Variants in PRKG1 observed in about 807,000 individuals in gnomAD.
PRKG1 encodes the protein protein kinase cGMP-dependent 1, also known as cGMP-dependent protein kinase 1.
PRKG1 carries 35 observed loss-of-function variants against 88.1 expected under a neutral mutation model. The ratio of observed to expected loss-of-function variants is 0.40; its 90% confidence interval spans 0.30 to 0.53. The LOEUF (loss-of-function observed/expected upper bound fraction) is 0.53. Ranked by LOEUF, PRKG1 falls within the 20% of genes least tolerant of loss-of-function variation. PRKG1 has a pLI of 0.59. For synonymous variants in PRKG1, 303 were observed against 292.5 expected, an observed-to-expected ratio of 1.04 and a Z score of -0.37; for missense variants, 540 against 839.8, an observed-to-expected ratio of 0.64 and a Z score of 4.41.
intron 2 of PRKG1, among the ~76,000 whole-genome samples, chr10:51,267,391 A>G (rs1839863114): frequency 6.6e-6 from 1 of 152,174 alleles, no homozygotes; most frequent in Non-Finnish European, 1.5e-5. Flanking sequence ...ATAAAATATA[A>G]TAAGTTACTA....
At chr10:51,692,485 T>G (rs67928122) in intron 3 of PRKG1, among the ~76,000 whole-genome samples, 5 of 151,934 alleles carry the variant, frequency 3.3e-5, no homozygotes, top group African/African-American at 1.2e-4. Flanking sequence ...CCATGTGATC[T>G]GCCCACCTCT....
chr10:51,390,792 G>A (rs1439801718), intron 2 of PRKG1, among the ~76,000 whole-genome samples: 4 of 152,072 alleles, frequency 2.6e-5, no homozygotes, highest in African/African-American at 4.8e-5. Context: ...ATTTTGCCTC[G>A]AGGGAACATT....
At chr10:51,667,078 CA>C (rs1305772998) in intron 3 of PRKG1, among the ~76,000 whole-genome samples, 4 of 152,068 alleles carry the variant, frequency 2.6e-5, no homozygotes, top group Non-Finnish European at 4.4e-5. Flanking sequence ...CTGCCATAAA[CA>C]TTTATTTCTA....
chr10:51,746,872 C>T (rs147761756), intron 3 of PRKG1, among the ~76,000 whole-genome samples: 13 of 152,322 alleles, frequency 8.5e-5, no homozygotes, highest in South Asian at 4.1e-4. Context: ...CCTCCATGTA[C>T]GGCAACAAAA....
chr10:51,184,992 GT>G (rs1564630895), intron 2 of PRKG1, among the ~76,000 whole-genome samples: 1 of 152,030 alleles, frequency 6.6e-6, no homozygotes. Context: ...AAGCATTTAG[GT>G]TATTAACTTT....
At chr10:51,371,054 T>G (rs1468200363) in intron 2 of PRKG1, among the ~76,000 whole-genome samples, 2 of 152,178 alleles carry the variant, frequency 1.3e-5, no homozygotes, top group Non-Finnish European at 2.9e-5. Flanking sequence ...TCATTTTTTT[T>G]TATTTCTGCA....
intron 3 of PRKG1, among the ~76,000 whole-genome samples, chr10:51,572,171 CT>C (rs2132169924): frequency 6.6e-6 from 1 of 151,892 alleles, no homozygotes; most frequent in East Asian, 1.9e-4. Flanking sequence ...GTAAAACATA[CT>C]TTTTAATCTT....
In PRKG1 at chr10:52,295,202, C is replaced by T. The variant is rs2132471548; in HGVS notation, c.*1302C>T. 6.6e-6 allele frequency: 1 copy of T among 152,144 alleles called. No homozygotes were observed. The highest frequency in any genetic ancestry group is 2.1e-4 in the South Asian group (1 of 4,826). The allele number at this position is 152,144 out of a possible 1,614,324, so 9.4% of individuals were successfully genotyped here. ...ATTTACAGGTTTACCAGATCTGGAA[C>T]ATTACTTATTTGAGGTCAGAGAACA... On this transcript the variant is annotated 3_prime_UTR_variant, in exon 18 of 18. Coordinates refer to ENST00000373980, the MANE Select transcript of PRKG1 (RefSeq NM_006258.4).
chr10:51,626,350 G>T (rs1389464208), intron 3 of PRKG1, among the ~76,000 whole-genome samples: 5 of 152,172 alleles, frequency 3.3e-5, no homozygotes, highest in Non-Finnish European at 5.9e-5. Flanking sequence ...GTGATTAGGA[G>T]CTCTATATCA....
At chr10:51,303,897 C>T (rs139553996) in intron 2 of PRKG1, among the ~76,000 whole-genome samples, 8,459 of 151,996 alleles carry the variant, frequency 0.056, 332 homozygotes, top group East Asian at 0.16. Context: ...CTCAGCTCAC[C>T]GCAACCTCCA....
chr10:51,552,386 A>AGTT (rs1053778926), intron 3 of PRKG1, among the ~76,000 whole-genome samples: 2 of 151,618 alleles, frequency 1.3e-5, no homozygotes, highest in African/African-American at 4.8e-5. Flanking sequence ...ATTTCTTGGT[A>AGTT]GTTGGTAGTG....
At chr10:51,136,936 C>T (rs542154741) in intron 1 of PRKG1, among the ~76,000 whole-genome samples, 1 of 152,072 alleles carries the variant, frequency 6.6e-6, no homozygotes, top group South Asian at 2.1e-4. Context: ...ACGGATTTCT[C>T]TGTTGCCCAC....
chr10:51,824,493 T>C (rs1435260975), intron 4 of PRKG1, among the ~76,000 whole-genome samples: 1 of 152,224 alleles, frequency 6.6e-6, no homozygotes, highest in Non-Finnish European at 1.5e-5. Context: ...ATTAGTGGAT[T>C]AATGTCTAAC....
chr10:51,238,822 T>C (rs1564650799), intron 2 of PRKG1, among the ~76,000 whole-genome samples: 1 of 151,740 alleles, frequency 6.6e-6, no homozygotes, highest in Non-Finnish European at 1.5e-5. Flanking sequence ...ATTTAGAATA[T>C]AAAGAGCTGC....
intron 4 of PRKG1, among the ~76,000 whole-genome samples, chr10:51,862,125 T>G (rs1251201930): frequency 2.0e-5 from 3 of 152,342 alleles, no homozygotes; most frequent in East Asian, 3.9e-4. Context: ...TCATTCCTGC[T>G]GCCCACAGTG....
chr10:51,274,201 G>T (rs1275823140), intron 2 of PRKG1, among the ~76,000 whole-genome samples: 6 of 151,990 alleles, frequency 3.9e-5, no homozygotes, highest in South Asian at 4.2e-4. Context: ...TTGAAAATTT[G>T]CTTTGGAACT....
At chr10:52,043,690 T>A (rs893799691) in intron 5 of PRKG1, among the ~76,000 whole-genome samples, 1 of 152,040 alleles carries the variant, frequency 6.6e-6, no homozygotes, top group Admixed American at 6.6e-5. Flanking sequence ...AGGATTTGCA[T>A]GTTGTCACCA....
rs1002300078 is a variant in PRKG1 at position 52,297,502 on chromosome 10, T to C, written c.*3602T>C. ...TAACAATTTATAAGCCTTTATTATA[T>C]AATATTGATGAATTACAGAAATGAT... On this transcript the variant is annotated 3_prime_UTR_variant, in exon 18 of 18. Transcript: ENST00000373980. 3.3e-5 allele frequency: 5 copies of C among 152,306 alleles called. No homozygotes were observed. The East Asian group carries it at 9.6e-4, about 29-fold the overall frequency. 9.4% of individuals were successfully genotyped at this position (152,306 alleles called of 1,614,324 possible).
intron 3 of PRKG1, among the ~76,000 whole-genome samples, chr10:51,675,750 C>T (rs1454857205): frequency 6.6e-6 from 1 of 152,060 alleles, no homozygotes; most frequent in Non-Finnish European, 1.5e-5. Context: ...AGTTGTTTTT[C>T]CTGGGGCCCC....
Sources: gnomAD v4.1 joint callset for allele counts (sites outside exome capture counted in the v4.1 genomes callset) on GRCh38, gnomAD v4.1.1 for gene constraint, MANE v1.5 for transcripts, NCBI Gene and HGNC (gene_info 2026-07-23, HGNC 2026-07-21) for gene names.